Variants in SLC7A11 observed in about 807,000 individuals in gnomAD.
SLC7A11 encodes the protein cystine/glutamate transporter.
In SLC7A11, 35 loss-of-function variants were observed where a neutral mutation model predicts 54.5. The observed-to-expected ratio is 0.64, with a 90% confidence interval of 0.49 to 0.85. The LOEUF (loss-of-function observed/expected upper bound fraction) is 0.85. Ranked by LOEUF, SLC7A11 falls within the 40% of genes least tolerant of loss-of-function variation. The pLI, the probability that SLC7A11 is intolerant of heterozygous loss-of-function variation, is 0.00. For synonymous variants in SLC7A11, 230 were observed against 225.2 expected (o/e 1.02, Z -0.19); for missense variants, 583 against 618.1 (o/e 0.94, Z 0.60).
intron 6 of SLC7A11, among the ~76,000 whole-genome samples, chr4:138,196,965 GC>G (rs1737153494): frequency 6.6e-6 from 1 of 152,048 alleles, no homozygotes; most frequent in Non-Finnish European, 1.5e-5. Flanking sequence ...TGGCAATATT[GC>G]CATTTTGTGA....
At chr4:138,234,483 T>TA (rs1038149714) in intron 2 of SLC7A11, among the ~76,000 whole-genome samples, 97 of 152,282 alleles carry the variant, frequency 6.4e-4, no homozygotes, top group African/African-American at 2.2e-3. Flanking sequence ...GACAAAGAGA[T>TA]ATATGAACAT....
chr4:138,237,756 T>A (rs1476580684), intron 1 of SLC7A11, among the ~76,000 whole-genome samples: 56 of 52,268 alleles, frequency 1.1e-3, no homozygotes, highest in African/African-American at 1.6e-3. Flanking sequence ...TTTTTTTTTT[T>A]TTTTTTTTTT....
intron 7 of SLC7A11, among the ~76,000 whole-genome samples, chr4:138,184,188 G>T (rs1210259546): frequency 6.6e-6 from 1 of 152,114 alleles, no homozygotes; most frequent in African/African-American, 2.4e-5. Flanking sequence ...AATAAGCTTT[G>T]TATATTTGAT....
At position 138,165,507 on chromosome 4, in the gene SLC7A11, A is replaced by G. The variant is rs977943753; in HGVS notation, c.*6449T>C. 6.6e-6 allele frequency: 1 copy of G among 152,484 alleles called. No individual in the cohort carries two copies. Among genetic ancestry groups the G allele is most frequent in the African/African-American group, 2.4e-5 (1 of 41,460 alleles). 9.4% of individuals were successfully genotyped at this position (152,484 alleles called of 1,614,324 possible). Reference sequence around the variant, plus strand: ...ACCTGTTTGGCATAGGGAGAAAACAATGTATCTCATAGCATTAAATGATAC... The same window carrying G: ...ACCTGTTTGGCATAGGGAGAAAACAGTGTATCTCATAGCATTAAATGATAC... On this transcript the variant is annotated 3_prime_UTR_variant, in exon 12 of 12. Transcript: ENST00000280612.
Position 138,219,372 on chromosome 4 carries a change from T to C in SLC7A11, c.647-7A>G, listed in dbSNP as rs1260865356. On this transcript the variant is annotated splice_region_variant and splice_polypyrimidine_tract_variant and intron_variant, in intron 4 of 11. Coordinates refer to ENST00000280612, the MANE Select transcript of SLC7A11 (RefSeq NM_014331.4). ...TTAAAGTTCTGCGTTTGACCTGTAA[T>C]TAGAATAGACTGATTTTAGGATTTT... 3.3e-6 allele frequency: 5 copies of C among 1,512,476 alleles called. No homozygotes were observed. In the South Asian group the frequency reaches 4.5e-5, roughly 14 times the overall value. 93.7% of individuals were successfully genotyped at this position (1,512,476 alleles called of 1,614,324 possible).
intron 10 of SLC7A11, 127 bp from the exon 11 acceptor site, chr4:138,179,521 G>C (rs1259626241): frequency 1.5e-6 from 1 of 684,198 alleles, no homozygotes. Context: ...CAGGTAACAG[G>C]CACCAACGTG....
intron 6 of SLC7A11, among the ~76,000 whole-genome samples, chr4:138,197,338 T>C (rs1384618362): frequency 2.0e-5 from 3 of 152,116 alleles, no homozygotes; most frequent in African/African-American, 7.2e-5. Context: ...TTCTGAAAAG[T>C]AGAAAATCAT....
chr4:138,206,805 T>C (rs1737418640), intron 6 of SLC7A11, among the ~76,000 whole-genome samples: 4 of 151,970 alleles, frequency 2.6e-5, no homozygotes, highest in Admixed American at 1.3e-4. Flanking sequence ...ATTTTTAGAG[T>C]GAACAAAAGC....
intron 10 of SLC7A11, 135 bp from the exon 11 acceptor site, chr4:138,179,529 G>T: frequency 1.5e-6 from 1 of 651,098 alleles, no homozygotes; most frequent in Non-Finnish European, 2.6e-6. Flanking sequence ...AGGCACCAAC[G>T]TGCCTTAGTA....
intron 6 of SLC7A11, 123 bp from the exon 7 acceptor site, chr4:138,185,367 T>C (rs1736850746): frequency 1.8e-6 from 2 of 1,127,600 alleles, no homozygotes; most frequent in African/African-American, 3.1e-5. Flanking sequence ...ATAGGCTCTG[T>C]TGGGTATGTA....
intron 11 of SLC7A11, chr4:138,178,162 G>A (rs769953538): frequency 6.6e-5 from 10 of 152,066 alleles, no homozygotes; most frequent in Admixed American, 6.6e-5. Flanking sequence ...ATTAAATAAA[G>A]TCTTGTTCCT....
intron 8 of SLC7A11, among the ~76,000 whole-genome samples, chr4:138,182,613 A>G (rs1234854487): frequency 6.6e-6 from 1 of 152,166 alleles, no homozygotes; most frequent in Non-Finnish European, 1.5e-5. Flanking sequence ...TTCTTTGAAG[A>G]GAAAGAATAG....
In SLC7A11 at chr4:138,228,799, TTAAA is replaced by T. The variant is rs1738006678; in HGVS notation, c.520+3464_520+3467del. ...AAAAAAAAAGAACAAACGAAAGTAA[TTAAA>T]TATTGAGCTATAAGAGAGCAGCCAA... On this transcript the variant is annotated intron_variant, in intron 3 of 11. Coordinates refer to ENST00000280612, the MANE Select transcript of SLC7A11 (RefSeq NM_014331.4). Among the ~76,000 whole-genome samples the T allele has an allele frequency of 6.9e-5, 10 of 145,612 alleles. No individual in the cohort carries two copies. The South Asian group carries it at 2.2e-3, about 32-fold the overall frequency.
In SLC7A11 at chr4:138,166,114, G is replaced by A. The variant is rs1736249467; in HGVS notation, c.*5842C>T. 1 of 152,034 alleles carries A rather than the reference G, an allele frequency of 6.6e-6. No individual in the cohort carries two copies. Among genetic ancestry groups the A allele is most frequent in the Non-Finnish European group, 1.5e-5 (1 of 67,986 alleles). 9.4% of individuals were successfully genotyped at this position (152,034 alleles called of 1,614,324 possible). On this transcript the variant is annotated 3_prime_UTR_variant, in exon 12 of 12. Coordinates refer to ENST00000280612, the MANE Select transcript of SLC7A11 (RefSeq NM_014331.4). ...CTTTGGAATGAAGGAGAAATTCTAG[G>A]GAAAAATTAATTCAGAAATCTTTTG...
At chr4:138,185,096 T>A (rs368183808) in intron 7 of SLC7A11, 25 bp downstream of exon 7, 2 of 1,611,728 alleles carry the variant, frequency 1.2e-6, no homozygotes, top group African/African-American at 2.7e-5. Context: ...AAATTCCAAT[T>A]GGCATTTTCC....
chr4:138,230,348 C>A (rs1286182151), intron 3 of SLC7A11, among the ~76,000 whole-genome samples: 1 of 151,268 alleles, frequency 6.6e-6, no homozygotes, highest in Non-Finnish European at 1.5e-5. Context: ...GTACACCAAA[C>A]CCCCATGACA....
chr4:138,224,422 A>T (rs1468887467), intron 3 of SLC7A11, among the ~76,000 whole-genome samples: 1 of 152,204 alleles, frequency 6.6e-6, no homozygotes, highest in Non-Finnish European at 1.5e-5. Flanking sequence ...AAATGTAAAG[A>T]TATTTCTCAA....
intron 5 of SLC7A11, among the ~76,000 whole-genome samples, chr4:138,218,090 C>T (rs1472093750): frequency 6.6e-6 from 1 of 152,164 alleles, no homozygotes; most frequent in African/African-American, 2.4e-5. Flanking sequence ...AGTTCCCATA[C>T]CCCCTAATTA....
chr4:138,221,341 A>G (rs1261730233), intron 4 of SLC7A11, among the ~76,000 whole-genome samples: 1 of 152,210 alleles, frequency 6.6e-6, no homozygotes, highest in Non-Finnish European at 1.5e-5. Context: ...TACATAACAT[A>G]CAACTACTTT....
Sources: allele counts gnomAD v4.1 joint callset (sites outside exome capture counted in the v4.1 genomes callset), GRCh38; gene constraint gnomAD v4.1.1; transcripts MANE v1.5; gene names NCBI Gene and HGNC (gene_info 2026-07-23, HGNC 2026-07-21).